Variants in SLC15A1 observed in about 807,000 individuals in gnomAD.
SLC15A1 encodes the protein Caco-2 oligopeptide transporter.
Under a neutral mutation model 92.9 loss-of-function variants are expected in SLC15A1, and 83 were observed. The ratio of observed to expected loss-of-function variants is 0.89; its 90% CI spans 0.75 to 1.07. SLC15A1 has a LOEUF of 1.07. Among genes scored for constraint, SLC15A1 ranks in the 50% least tolerant of loss-of-function variants. The pLI is 0.00. For synonymous variants in SLC15A1, 322 were observed against 318.2 expected, an observed-to-expected ratio of 1.01 and a Z score of -0.13; for missense variants, 857 against 880.1, an observed-to-expected ratio of 0.97 and a Z score of 0.33.
chr13:98,731,497 G>A (rs151290016), intron 1 of SLC15A1, among the ~76,000 whole-genome samples: 104 of 152,264 alleles, frequency 6.8e-4, no homozygotes, highest in South Asian at 2.7e-3. Context: ...CAACGAGAGA[G>A]GTGAAGTCAC....
rs746069652 is a variant in SLC15A1, at chr13:98,704,362, G to A, written c.1343C>T (p.Thr448Ile). The part of the protein sequence containing the change: ...INISSPGSPV[T>I]AVTDDFKQGQ... ...CTGCTTGAAGTCGTCAGTTACAGCA[G>A]TGACTGGTGATCCAGGAGAAGAAAT... Residue 448 changes from threonine to isoleucine, a missense_variant, in exon 17 of 23, where the codon ACT (threonine) becomes ATT (isoleucine). Physicochemically the swap from Thr to Ile is moderately conservative, Grantham distance 89. Coordinates refer to ENST00000376503, the MANE Select transcript of SLC15A1 (RefSeq NM_005073.4). 5 of 1,614,016 alleles carry A rather than the reference G, an allele frequency of 3.1e-6. No individual in the cohort carries two copies. In the South Asian group the frequency reaches 4.4e-5, roughly 14 times the overall value.
At chr13:98,740,392 C>G (rs1019597785) in intron 1 of SLC15A1, among the ~76,000 whole-genome samples, 3 of 152,324 alleles carry the variant, frequency 2.0e-5, no homozygotes, top group Admixed American at 2.0e-4. Context: ...CGTGCTCTCT[C>G]CTTCCTGCAG....
rs1566446581 is a variant in SLC15A1, at chr13:98,704,277, TCA to T, written c.1416+10_1416+11del. 2 of 1,583,122 alleles carry T rather than the reference TCA, an allele frequency of 1.3e-6. No homozygotes were observed. Among genetic ancestry groups the T allele is most frequent in the Non-Finnish European group, 1.7e-6 (2 of 1,169,342 alleles). ...ATAGCAAAGAGTCAGCTGTAGGTCT[TCA>T]CACACTTACCACCTGGTAGTGATTG... is the stretch of plus-strand genomic sequence containing the variant. On this transcript the variant is annotated intron_variant, in intron 17 of 22. Transcript: ENST00000376503.
chr13:98,716,013 T>C (rs1352522784), intron 8 of SLC15A1, 53 bp from the exon 9 acceptor site: 6 of 1,455,172 alleles, frequency 4.1e-6, no homozygotes. Flanking sequence ...GAGCGCCCTG[T>C]GGCCTAGAGA....
At chr13:98,751,922 T>A (rs1334390041) in intron 1 of SLC15A1, among the ~76,000 whole-genome samples, 1 of 152,234 alleles carries the variant, frequency 6.6e-6, no homozygotes, top group Non-Finnish European at 1.5e-5. Flanking sequence ...TCCCAGCAGC[T>A]CTGGCTCTGC....
intron 1 of SLC15A1, among the ~76,000 whole-genome samples, chr13:98,730,894 G>A (rs1488996924): frequency 1.3e-5 from 2 of 152,130 alleles, no homozygotes; most frequent in African/African-American, 4.8e-5. Flanking sequence ...CCCGGGTCTC[G>A]ACCTAGCTCC....
chr13:98,706,320 G>C, intron 15 of SLC15A1, 67 bp from the exon 16 acceptor site: 1 of 1,566,030 alleles, frequency 6.4e-7, no homozygotes, highest in Non-Finnish European at 8.7e-7. Flanking sequence ...TCTTAACCCT[G>C]ACAAGGGGGT....
chr13:98,748,502 G>T (rs191240783), intron 1 of SLC15A1, among the ~76,000 whole-genome samples: 1 of 151,932 alleles, frequency 6.6e-6, no homozygotes, highest in African/African-American at 2.4e-5. Flanking sequence ...GCCATGTTGC[G>T]CAGACTGATT....
chr13:98,747,704 A>G (rs1450010628), intron 1 of SLC15A1, among the ~76,000 whole-genome samples: 10 of 152,122 alleles, frequency 6.6e-5, no homozygotes, highest in Admixed American at 6.5e-4. Flanking sequence ...AACGTGGTGA[A>G]ACCCCGTCTC....
chr13:98,746,042 A>G (rs992531450), intron 1 of SLC15A1, among the ~76,000 whole-genome samples: 3 of 151,982 alleles, frequency 2.0e-5, no homozygotes, highest in Admixed American at 6.6e-5. Context: ...CTCTACCCTC[A>G]AGTAGGCCCC....
At chr13:98,726,615 C>T in intron 2 of SLC15A1, 166 bp from the exon 3 acceptor site, 1 of 764,108 alleles carries the variant, frequency 1.3e-6, no homozygotes, top group Middle Eastern at 2.4e-4. Context: ...CTACACTAAT[C>T]CTTCCACATA....
intron 4 of SLC15A1, among the ~76,000 whole-genome samples, chr13:98,725,810 G>A (rs1490466220): frequency 6.6e-6 from 1 of 152,116 alleles, no homozygotes; most frequent in African/African-American, 2.4e-5. Context: ...CTGCAGCCTT[G>A]ACCTCTGGGG....
At chr13:98,712,459 G>A (rs1290618312) in intron 10 of SLC15A1, 39 bp downstream of exon 10, 2 of 1,464,830 alleles carry the variant, frequency 1.4e-6, no homozygotes, top group Non-Finnish European at 1.9e-6. Flanking sequence ...TTCACTTCCT[G>A]GGGGAATCAG....
intron 18 of SLC15A1, among the ~76,000 whole-genome samples, chr13:98,689,787 G>A (rs181987459): frequency 6.6e-5 from 10 of 152,308 alleles, no homozygotes; most frequent in African/African-American, 1.9e-4. Context: ...AGAGGGTGGA[G>A]GCCTGTGTGG....
At chr13:98,740,905 G>A (rs2088438528) in intron 1 of SLC15A1, among the ~76,000 whole-genome samples, 1 of 152,212 alleles carries the variant, frequency 6.6e-6, no homozygotes, top group South Asian at 2.1e-4. Context: ...GGCTCTTCTA[G>A]CATCAGAGTC....
chr13:98,752,605 G>T lies in SLC15A1; in HGVS notation c.-7C>A. The T allele has an allele frequency of 1.6e-6, 2 of 1,253,248 alleles. No homozygotes were observed. The highest frequency in any genetic ancestry group is 2.0e-6 in the Non-Finnish European group (2 of 998,624). The allele number at this position is 1,253,248 out of a possible 1,614,324, so 77.6% of individuals were successfully genotyped here. A position where few individuals can be genotyped will look rare whatever the true frequency, so the allele number is the denominator to read the frequency against. On this transcript the variant is annotated 5_prime_UTR_variant, in exon 1 of 23. Transcript: ENST00000376503. Reference sequence around the variant, plus strand: ...ACCCGCCGAGCGTACCCATGGCGGCGGCTCCCAGGGCTCCTGCGACCTGCC... The same window carrying T: ...ACCCGCCGAGCGTACCCATGGCGGCTGCTCCCAGGGCTCCTGCGACCTGCC...
intron 1 of SLC15A1, among the ~76,000 whole-genome samples, chr13:98,747,993 A>G (rs923121843): frequency 2.0e-5 from 3 of 152,188 alleles, no homozygotes; most frequent in African/African-American, 7.2e-5. Context: ...ATTCCATCCA[A>G]ACTGGGCAAA....
intron 18 of SLC15A1, among the ~76,000 whole-genome samples, chr13:98,690,014 A>G (rs2087962596): frequency 6.6e-6 from 1 of 152,204 alleles, no homozygotes; most frequent in Non-Finnish European, 1.5e-5. Context: ...GTTCCAGGCT[A>G]TAGACGACCC....
intron 8 of SLC15A1, among the ~76,000 whole-genome samples, chr13:98,716,341 G>A (rs1231929331): frequency 6.6e-6 from 1 of 152,264 alleles, no homozygotes; most frequent in East Asian, 1.9e-4. Flanking sequence ...AATAAATGGG[G>A]CCAGGCGCGG....
Sources: allele counts gnomAD v4.1 joint callset (sites outside exome capture counted in the v4.1 genomes callset), GRCh38; gene constraint gnomAD v4.1.1; transcripts MANE v1.5; gene names NCBI Gene and HGNC (gene_info 2026-07-23, HGNC 2026-07-21).